The following TANC2 variants were observed in gnomAD, a reference collection of about 807,000 sequenced individuals.
TANC2 encodes the protein protein TANC2.
A neutral mutation model predicts 210.5 loss-of-function variants in TANC2; 26 were observed. The ratio of observed to expected loss-of-function variants is 0.12; its 90% CI spans 0.09 to 0.17. The LOEUF (loss-of-function observed/expected upper bound fraction) is 0.17, where lower values mean the gene tolerates loss of function less well. TANC2 is among the 10% of genes least tolerant of loss of function. The probability of loss-of-function intolerance (pLI) is 1.00; values close to 1 mark genes in which losing one functional copy is unlikely to be tolerated. For missense variants in TANC2, 2,129 were observed against 2,608.9 expected (o/e 0.82, Z 4.01); for synonymous variants, 931 against 967.1 (o/e 0.96, Z 0.69).
chr17:63,319,070 A>T, exon 11 of TANC2: 2 of 1,613,220 alleles, frequency 1.2e-6, no homozygotes, highest in Non-Finnish European at 1.7e-6. Flanking sequence ...GGAGGAGGCT[A>T]TGCGAAGACT....
At chr17:63,223,868 A>G (rs935557719) in intron 7 of TANC2, among the ~76,000 whole-genome samples, 4 of 151,988 alleles carry the variant, frequency 2.6e-5, no homozygotes, top group African/African-American at 7.3e-5. Flanking sequence ...TCCTACCTCA[A>G]CTTTAAAGTG....
intron 17 of TANC2, among the ~76,000 whole-genome samples, chr17:63,395,498 G>T (rs2048124632): frequency 6.6e-6 from 1 of 151,572 alleles, no homozygotes; most frequent in Non-Finnish European, 1.5e-5. Flanking sequence ...GTTTTTCTTG[G>T]AATGCAAAAA....
intron 14 of TANC2, among the ~76,000 whole-genome samples, chr17:63,362,300 T>C (rs1167369700): frequency 6.6e-6 from 1 of 152,166 alleles, no homozygotes; most frequent in African/African-American, 2.4e-5. Context: ...AGGACATGCA[T>C]GCTAATTGGT....
At chr17:63,184,149 G>T (rs2040892937) in intron 5 of TANC2, among the ~76,000 whole-genome samples, 1 of 152,072 alleles carries the variant, frequency 6.6e-6, no homozygotes. Flanking sequence ...GAAATCTCTT[G>T]ATTTCTAATA....
intron 14 of TANC2, among the ~76,000 whole-genome samples, chr17:63,362,055 G>A (rs892361778): frequency 6.6e-6 from 1 of 152,192 alleles, no homozygotes; most frequent in African/African-American, 2.4e-5. Context: ...CCTCAGCAGA[G>A]AGGAGACCTG....
chr17:63,172,774 C>T (rs1413296423), intron 5 of TANC2, among the ~76,000 whole-genome samples: 1 of 152,106 alleles, frequency 6.6e-6, no homozygotes, highest in African/African-American at 2.4e-5. Flanking sequence ...CATATGTTCT[C>T]TCTACTAAGA....
chr17:63,074,057 G>T (rs1251294769), intron 3 of TANC2, 43 bp downstream of exon 3: 4 of 1,469,896 alleles, frequency 2.7e-6, no homozygotes, highest in Non-Finnish European at 3.7e-6. Context: ...AAAAAATAAC[G>T]ATAGATATTT....
At chr17:63,076,326 A>C (rs1483658968) in intron 3 of TANC2, among the ~76,000 whole-genome samples, 1 of 152,160 alleles carries the variant, frequency 6.6e-6, no homozygotes, top group African/African-American at 2.4e-5. Context: ...TGGACCTTAG[A>C]TATCTCTCTC....
At chr17:63,048,421 G>T (rs901853598) in intron 2 of TANC2, among the ~76,000 whole-genome samples, 3 of 152,140 alleles carry the variant, frequency 2.0e-5, no homozygotes, top group African/African-American at 7.2e-5. Flanking sequence ...AATTAATGAG[G>T]TGCTAAGTAG....
chr17:63,250,665 T>G (rs1187242916), intron 8 of TANC2, among the ~76,000 whole-genome samples: 1 of 152,164 alleles, frequency 6.6e-6, no homozygotes, highest in Non-Finnish European at 1.5e-5. Context: ...ATTCGTTCAT[T>G]AGACAAGTAT....
At chr17:63,155,118 T>G (rs1184246022) in intron 5 of TANC2, 1 of 151,978 alleles carries the variant, frequency 6.6e-6, no homozygotes, top group Admixed American at 6.6e-5. Context: ...TATTAGTGAA[T>G]AAGAGCTTAT....
In TANC2 at chr17:63,421,330, C is replaced by T; in HGVS notation, c.5600C>T (p.Ser1867Phe). ...TCCCAAAGTGTAGGCCTTCGCTTCT[C>T]TCCATCTAGCAATAGTATCTCCTCC... Residue 1867 changes from serine (S) to phenylalanine (F), a missense_variant, in exon 28 of 28, where the codon TCT becomes TTT. Transcript: ENST00000689528. The surrounding 1 kb of genome is among the most constrained non-coding windows in gnomAD (Gnocchi z 6.9). The T allele has an allele frequency of 1.9e-6, 3 of 1,614,054 alleles. No individual in the cohort carries two copies. Among genetic ancestry groups the T allele is most frequent in the Non-Finnish European group, 8.5e-7 (1 of 1,179,902 alleles).
rs151208574 is a variant in TANC2 at position 63,228,394 on chromosome 17, G to T, written c.770-9420G>T. ...CTCCAGCTTTGTTCCTTTTGCTTAG[G>T]ATTGCCTTGGCTATACGGGCTCTTT... is the stretch of plus-strand genomic sequence containing the variant. On this transcript the variant is annotated intron_variant, in intron 7 of 27. Coordinates refer to ENST00000689528, the Ensembl canonical transcript of TANC2. 2.2e-3 allele frequency among the ~76,000 whole-genome samples: 335 copies of T among 152,248 alleles called. 2 individuals carry two copies. Among genetic ancestry groups the T allele is most frequent in the African/African-American group, 7.7e-3 (319 of 41,554 alleles).
chr17:63,250,236 AT>A (rs1164826344), intron 8 of TANC2, among the ~76,000 whole-genome samples: 21 of 151,868 alleles, frequency 1.4e-4, no homozygotes, highest in African/African-American at 5.1e-4. Flanking sequence ...AACTCACCTG[AT>A]TATGTCTTAT....
intron 16 of TANC2, 98 bp downstream of exon 16, chr17:63,388,855 G>T: frequency 1.1e-6 from 1 of 903,664 alleles, no homozygotes; most frequent in Admixed American, 3.5e-5. Flanking sequence ...TCTTTGACTT[G>T]TCTTTCTTAT....
At chr17:63,299,534 CTTTT>C (rs201041332) in intron 9 of TANC2, among the ~76,000 whole-genome samples, 3 of 126,552 alleles carry the variant, frequency 2.4e-5, no homozygotes, top group Non-Finnish European at 1.7e-5. Flanking sequence ...TGATGTTAAG[CTTTT>C]TTTTTTTTTT....
rs1360905808 is a variant in TANC2 at position 63,361,531 on chromosome 17, A to G, written c.2582+6141A>G. Among the ~76,000 whole-genome samples the G allele has an allele frequency of 2.6e-5, 4 of 152,248 alleles. No individual in the cohort carries two copies. The East Asian group carries it at 7.7e-4, about 29-fold the overall frequency. On this transcript the variant is annotated intron_variant, in intron 14 of 27. Transcript: ENST00000689528. ...ACATATTGCACGCAGCTTCCACTGCAGGCAACCACGTCTGGACAAGGGGAA... is the reference window on the plus strand; with the variant it reads ...ACATATTGCACGCAGCTTCCACTGCGGGCAACCACGTCTGGACAAGGGGAA...
intron 27 of TANC2, among the ~76,000 whole-genome samples, chr17:63,419,417 AG>A (rs1339961157): frequency 6.6e-6 from 1 of 152,212 alleles, no homozygotes; most frequent in East Asian, 1.9e-4. Context: ...GCTCAGCTCC[AG>A]CCCCGAGTGA....
At chr17:63,031,185 G>A (rs921643096) in intron 2 of TANC2, among the ~76,000 whole-genome samples, 1 of 152,098 alleles carries the variant, frequency 6.6e-6, no homozygotes, top group Non-Finnish European at 1.5e-5. Context: ...TGGAATAGGA[G>A]TGGATGGGAG....
Sources: gnomAD v4.1 joint callset for allele counts (sites outside exome capture counted in the v4.1 genomes callset) on GRCh38, gnomAD v4.1.1 for gene constraint, Gnocchi (gnomAD v3.1) non-coding constraint, MANE v1.5 for transcripts, NCBI Gene and HGNC (gene_info 2026-07-23, HGNC 2026-07-21) for gene names.